Variants in CAMK1D observed in about 807,000 individuals in gnomAD.
The protein encoded by CAMK1D is calcium/calmodulin dependent protein kinase ID.
CAMK1D carries 9 observed loss-of-function variants against 47.7 expected under a neutral mutation model. That is an observed-to-expected ratio of 0.19 (90% CI 0.11 to 0.33). The LOEUF (loss-of-function observed/expected upper bound fraction) is 0.33. Among genes scored for constraint, CAMK1D ranks in the 10% least tolerant of loss-of-function variants. The pLI is 1.00. For missense variants in CAMK1D, 291 were observed against 488.7 expected (o/e 0.60, Z 3.81); for synonymous variants, 184 against 184.9 (o/e 0.99, Z 0.04).
chr10:12,375,717 G>C (rs1399210175), intron 1 of CAMK1D, among the ~76,000 whole-genome samples: 3 of 152,124 alleles, frequency 2.0e-5, no homozygotes, highest in Non-Finnish European at 4.4e-5. Context: ...TTATTTCCTC[G>C]TTGGGGTTTC....
intron 10 of CAMK1D, among the ~76,000 whole-genome samples, chr10:12,827,320 CTTTCTCTCTCTTCTCTT>C (rs1833259227): frequency 2.3e-5 from 2 of 88,202 alleles, no homozygotes; most frequent in Non-Finnish European, 4.6e-5. Flanking sequence ...TCTTTTCTTT[CTTTCTCTCTCTTCTCTT>C]CCTTCCTTCC....
chr10:12,726,478 C>T (rs775978251), intron 3 of CAMK1D, among the ~76,000 whole-genome samples: 5 of 152,012 alleles, frequency 3.3e-5, no homozygotes, highest in East Asian at 1.9e-4. Flanking sequence ...TGTAGTTAAG[C>T]GGAAAGCTGA....
At chr10:12,825,740 C>T (rs534858015) in intron 10 of CAMK1D, 50 bp downstream of exon 10, 1 of 1,612,928 alleles carries the variant, frequency 6.2e-7, no homozygotes, top group South Asian at 1.1e-5. Context: ...GAAGACGAGC[C>T]TGGGGTGGAG....
intron 1 of CAMK1D, among the ~76,000 whole-genome samples, chr10:12,437,620 G>A (rs1330445891): frequency 6.6e-6 from 1 of 152,186 alleles, no homozygotes; most frequent in Non-Finnish European, 1.5e-5. Flanking sequence ...TCCCCCAGCA[G>A]AGCGGGGCAT....
intron 1 of CAMK1D, among the ~76,000 whole-genome samples, chr10:12,515,151 C>T (rs1192141526): frequency 6.6e-6 from 1 of 152,110 alleles, no homozygotes; most frequent in African/African-American, 2.4e-5. Context: ...CATGAGCCAC[C>T]ACACCTGGCC....
chr10:12,597,743 T>C (rs1266722980), intron 2 of CAMK1D, among the ~76,000 whole-genome samples: 1 of 152,180 alleles, frequency 6.6e-6, no homozygotes, highest in Non-Finnish European at 1.5e-5. Context: ...CATAGGGCTG[T>C]CTTCACTTCC....
At chr10:12,658,020 C>T (rs1470146878) in intron 2 of CAMK1D, among the ~76,000 whole-genome samples, 5 of 152,074 alleles carry the variant, frequency 3.3e-5, no homozygotes, top group African/African-American at 7.2e-5. Flanking sequence ...CATGGTGGCA[C>T]GTACCTGTAG....
chr10:12,353,466 T>C (rs1405390577), intron 1 of CAMK1D, among the ~76,000 whole-genome samples: 1 of 152,090 alleles, frequency 6.6e-6, no homozygotes, highest in Non-Finnish European at 1.5e-5. Flanking sequence ...GAGCCGAGCA[T>C]TTACTGTTGG....
chr10:12,517,533 A>G (rs1835248158), intron 1 of CAMK1D, among the ~76,000 whole-genome samples: 1 of 152,192 alleles, frequency 6.6e-6, no homozygotes, highest in Admixed American at 6.5e-5. Context: ...TTATCTAGTT[A>G]AGGAAGTTTG....
At chr10:12,556,167 A>G (rs1373907824) in intron 2 of CAMK1D, among the ~76,000 whole-genome samples, 1 of 152,140 alleles carries the variant, frequency 6.6e-6, no homozygotes. Flanking sequence ...TCTGCAAATG[A>G]TTTACATATG....
At position 12,444,104 on chromosome 10, in the gene CAMK1D, C is replaced by T. The variant is rs551231644; in HGVS notation, c.92+94194C>T. Reference sequence around the variant, plus strand: ...GAGGACAACCAGAGGTCACTGTCATCGCCATCTTGGTTTTGGTGGGTTTTG... The same window carrying T: ...GAGGACAACCAGAGGTCACTGTCATTGCCATCTTGGTTTTGGTGGGTTTTG... On this transcript the variant is annotated intron_variant, in intron 1 of 10. Transcript: ENST00000619168. Among the ~76,000 whole-genome samples, 8 of 152,308 alleles carry T rather than the reference C, an allele frequency of 5.3e-5. No homozygotes were observed. In the East Asian group the frequency reaches 7.7e-4, roughly 15 times the overall value.
At chr10:12,356,076 G>A (rs911777668) in intron 1 of CAMK1D, among the ~76,000 whole-genome samples, 1 of 151,992 alleles carries the variant, frequency 6.6e-6, no homozygotes, top group African/African-American at 2.4e-5. Context: ...ATTTTGCAGT[G>A]AGCCGAGATT....
chr10:12,715,469 C>T lies in CAMK1D; in HGVS notation c.300-45479C>T, dbSNP rs574841763. 3.3e-5 allele frequency among the ~76,000 whole-genome samples: 5 copies of T among 152,210 alleles called. No individual in the cohort carries two copies. The South Asian group carries it at 1.0e-3, about 32-fold the overall frequency. On this transcript the variant is annotated intron_variant, in intron 3 of 10. Transcript: ENST00000619168. Reference sequence around the variant, plus strand: ...TATTCAACAAACAGTTGAACAAATACTGCTCTGTAGATGGATACAGCCATT... The same window carrying T: ...TATTCAACAAACAGTTGAACAAATATTGCTCTGTAGATGGATACAGCCATT...
chr10:12,661,515 G>A (rs1467224826), intron 2 of CAMK1D, among the ~76,000 whole-genome samples: 1 of 152,244 alleles, frequency 6.6e-6, no homozygotes, highest in Admixed American at 6.5e-5. Flanking sequence ...GTTGTTAATG[G>A]TAAATGAAAT....
intron 1 of CAMK1D, among the ~76,000 whole-genome samples, chr10:12,530,856 A>G (rs558903797): frequency 6.6e-6 from 1 of 152,282 alleles, no homozygotes; most frequent in Admixed American, 6.5e-5. Context: ...CAGGAGTTCG[A>G]GACCAGCCTG....
Position 12,814,277 on chromosome 10 carries a change from T to C in CAMK1D, c.724T>C (p.Ser242Pro), listed in dbSNP as rs780203500. Reference sequence around the variant, plus strand: ...CCTCAAGGCGGAATATGAGTTTGACTCTCCCTACTGGGATGACATCTCCGA... The same window carrying C: ...CCTCAAGGCGGAATATGAGTTTGACCCTCCCTACTGGGATGACATCTCCGA... ...QILKAEYEFDSPYWDDISDSA... is the reference protein window; with the variant it reads ...QILKAEYEFDPPYWDDISDSA... Residue 242 changes from serine to proline, a missense_variant, in exon 7 of 11, where the codon TCT becomes CCT. Ser to Pro is a moderately conservative substitution (Grantham distance 74, BLOSUM62 -1). Around this residue, in one of 2 missense-constraint regions of CAMK1D, gnomAD observed 219 missense variants for 424.3 expected, o/e 0.52. Coordinates refer to ENST00000619168, the MANE Select transcript of CAMK1D (RefSeq NM_153498.4). 6.2e-7 allele frequency: 1 copy of C among 1,613,350 alleles called. No homozygotes were observed. Among genetic ancestry groups the C allele is most frequent in the South Asian group, 1.1e-5 (1 of 91,058 alleles).
chr10:12,711,446 C>G (rs1396796668), intron 3 of CAMK1D, among the ~76,000 whole-genome samples: 1 of 152,210 alleles, frequency 6.6e-6, no homozygotes, highest in Non-Finnish European at 1.5e-5. Context: ...GTTGGAAGAG[C>G]TCTCACGTAT....
intron 2 of CAMK1D, among the ~76,000 whole-genome samples, chr10:12,573,996 T>G (rs182045348): frequency 1.3e-5 from 2 of 151,938 alleles, no homozygotes; most frequent in Non-Finnish European, 2.9e-5. Flanking sequence ...TTAAATTATT[T>G]ATATTGTATT....
chr10:12,433,208 C>A (rs1026015431), intron 1 of CAMK1D, among the ~76,000 whole-genome samples: 4 of 152,184 alleles, frequency 2.6e-5, no homozygotes, highest in African/African-American at 7.2e-5. Flanking sequence ...CCCCCATCTC[C>A]CTGCTGAAAA....
Sources: allele counts gnomAD v4.1 joint callset (sites outside exome capture counted in the v4.1 genomes callset), GRCh38; gene constraint gnomAD v4.1.1; regional missense constraint gnomAD v4.1.1; transcripts MANE v1.5; gene names NCBI Gene and HGNC (gene_info 2026-07-23, HGNC 2026-07-21).